CCPG1: variants seen among roughly 807,000 people sequenced by gnomAD.
The protein encoded by CCPG1 is cell cycle progression 1.
In CCPG1, 46 loss-of-function variants were observed where a neutral mutation model predicts 81.3. That is an observed-to-expected ratio of 0.57 (90% CI 0.45 to 0.72). The LOEUF is 0.72. CCPG1 is among the 30% of genes least tolerant of loss of function. CCPG1 has a pLI of 0.00. For missense variants in CCPG1, 902 were observed against 937.6 expected, an observed-to-expected ratio of 0.96 and a Z score of 0.50; for synonymous variants, 330 against 305.2, an observed-to-expected ratio of 1.08 and a Z score of -0.85.
chr15:55,381,647 C>T lies in CCPG1; in HGVS notation c.176-3271G>A, dbSNP rs531355693. 2.8e-4 allele frequency among the ~76,000 whole-genome samples: 42 copies of T among 152,246 alleles called. 1 individual carries two copies. Among genetic ancestry groups the T allele is most frequent in the African/African-American group, 1.0e-3 (42 of 41,552 alleles). On this transcript the variant is annotated intron_variant, in intron 3 of 8. Coordinates refer to ENST00000442196, the MANE Select transcript of CCPG1 (RefSeq NM_001204450.2). The stretch of plus-strand genomic sequence containing the variant: ...CTTCTATTTCTGGCCTTGACACATC[C>T]ACTTTTTTCTCCTGAGGGGAAATGT...
intron 1 of CCPG1, among the ~76,000 whole-genome samples, chr15:55,405,926 A>C (rs994517102): frequency 1.3e-5 from 2 of 152,120 alleles, no homozygotes; most frequent in African/African-American, 4.8e-5. Context: ...GTACAGTGGC[A>C]TGATCTCGGC....
chr15:55,369,564 T>C (rs1595830702), intron 6 of CCPG1, among the ~76,000 whole-genome samples: 1 of 151,992 alleles, frequency 6.6e-6, no homozygotes, highest in African/African-American at 2.4e-5. Flanking sequence ...GTCTTTTAAG[T>C]AGTGACTTGG....
At chr15:55,377,615 A>G (rs761563529) in intron 4 of CCPG1, among the ~76,000 whole-genome samples, 13 of 152,258 alleles carry the variant, frequency 8.5e-5, no homozygotes, top group Non-Finnish European at 1.8e-4. Flanking sequence ...GTAATCGCCA[A>G]TGTGATAGTA....
rs2056477220 is a variant in CCPG1, at chr15:55,372,655, T to A, written c.455-611A>T. The A allele has an allele frequency of 1.3e-5, 3 of 238,336 alleles. No individual in the cohort carries two copies. In the South Asian group the frequency reaches 1.5e-4, roughly 12 times the overall value. 14.8% of individuals were successfully genotyped at this position (238,336 alleles called of 1,614,324 possible). On this transcript the variant is annotated intron_variant, in intron 5 of 8. Transcript: ENST00000442196. ...GACTGGGAGACAGAGCAAAACTCTG[T>A]CTCAAAAGAAACAAAATTTCATTGC... is the stretch of plus-strand genomic sequence containing the variant.
intron 7 of CCPG1, among the ~76,000 whole-genome samples, chr15:55,364,826 TTG>T (rs2056288392): frequency 6.6e-6 from 1 of 151,800 alleles, no homozygotes; most frequent in East Asian, 2.0e-4. Flanking sequence ...CAACCTGAGG[TTG>T]CACCACTGCA....
At chr15:55,388,631 G>C (rs144583667) in intron 2 of CCPG1, among the ~76,000 whole-genome samples, 67 of 152,238 alleles carry the variant, frequency 4.4e-4, no homozygotes, top group African/African-American at 1.5e-3. Flanking sequence ...AGGGTATGGT[G>C]GCATATGCCT....
At chr15:55,384,408 C>G (rs1254204375) in intron 3 of CCPG1, among the ~76,000 whole-genome samples, 1 of 152,126 alleles carries the variant, frequency 6.6e-6, no homozygotes, top group Non-Finnish European at 1.5e-5. Flanking sequence ...GCCTGTAATC[C>G]CAGCACTTTG....
At chr15:55,406,014 G>A (rs1456505757) in intron 1 of CCPG1, among the ~76,000 whole-genome samples, 4 of 152,064 alleles carry the variant, frequency 2.6e-5, no homozygotes, top group Admixed American at 1.3e-4. Flanking sequence ...ACAGGCATCC[G>A]CCACCATGCC....
At position 55,397,223 on chromosome 15, in the gene CCPG1, C is replaced by CA. The variant is rs200729740; in HGVS notation, c.-9-7791dup. The stretch of plus-strand genomic sequence containing the variant: ...AGCGAGACTCCGTCTCAAAAAAAAA[C>CA]AAACAAAAAAAAAAACCCACAAGAT... On this transcript the variant is annotated intron_variant, in intron 1 of 8. Coordinates refer to ENST00000442196, the MANE Select transcript of CCPG1 (RefSeq NM_001204450.2). Among the ~76,000 whole-genome samples the CA allele has an allele frequency of 5.5e-3, 657 of 119,228 alleles. 1 individual carries two copies. Among genetic ancestry groups the CA allele is most frequent in the Non-Finnish European group, 8.1e-3 (423 of 52,520 alleles). The allele number at this position is 119,228 out of a possible 152,430, so 78.2% of individuals were successfully genotyped here.
intron 1 of CCPG1, among the ~76,000 whole-genome samples, chr15:55,407,032 T>G (rs7162868): frequency 0.98 from 139,966 of 142,366 alleles, 68,886 homozygotes; most frequent in East Asian, 1. Flanking sequence ...GGCCGACACG[T>G]TGAGACCCCC....
chr15:55,380,361 T>A (rs920395517), intron 3 of CCPG1, among the ~76,000 whole-genome samples: 3 of 151,548 alleles, frequency 2.0e-5, no homozygotes, highest in Admixed American at 6.6e-5. Context: ...AGTGGCGCCG[T>A]CTCGGCTCAC....
chr15:55,382,595 C>T (rs570158316), intron 3 of CCPG1, among the ~76,000 whole-genome samples: 5 of 151,606 alleles, frequency 3.3e-5, no homozygotes, highest in South Asian at 4.2e-4. Context: ...CTGCAAGCTC[C>T]GCCTCCCAGG....
At chr15:55,364,197 T>G (rs557504561) in intron 7 of CCPG1, among the ~76,000 whole-genome samples, 4 of 150,620 alleles carry the variant, frequency 2.7e-5, no homozygotes, top group Non-Finnish European at 5.9e-5. Flanking sequence ...CTGATCCTCA[T>G]AAACCCACAG....
In CCPG1 at chr15:55,360,659, T is replaced by C. The variant is rs1452595281; in HGVS notation, c.1114A>G (p.Arg372Gly). Residue 372 changes from arginine to glycine, a missense_variant, in exon 8 of 9, where the codon AGG becomes GGG. Around this residue, in one of 3 missense-constraint regions of CCPG1, gnomAD observed 746 missense variants for 728.6 expected, o/e 1.02. Transcript: ENST00000442196. ...KQKKHSFLSQ[R>G]ETLLTEAKML... ...TTTGCTTCTGTCAACAGAGTCTCCC[T>C]TTGACTAAGAAAGCTGTGTTTTTTC... 6.2e-7 allele frequency: 1 copy of C among 1,614,144 alleles called. No individual in the cohort carries two copies. Among genetic ancestry groups the C allele is most frequent in the Non-Finnish European group, 8.5e-7 (1 of 1,180,022 alleles).
chr15:55,366,661 A>G (rs1278716718), intron 6 of CCPG1, among the ~76,000 whole-genome samples: 1 of 152,058 alleles, frequency 6.6e-6, no homozygotes. Context: ...AATCCCAGCT[A>G]CTCGGGAGGC....
chr15:55,380,904 A>G (rs1032677533), intron 3 of CCPG1, among the ~76,000 whole-genome samples: 29 of 150,718 alleles, frequency 1.9e-4, no homozygotes, highest in Non-Finnish European at 4.1e-4. Context: ...TTGGGAGGCC[A>G]AGGCGGACAG....
Position 55,360,400 on chromosome 15 carries a change from T to C in CCPG1, c.1373A>G (p.Gln458Arg). The C allele has an allele frequency of 1.2e-6, 2 of 1,613,900 alleles. No homozygotes were observed. The highest frequency in any genetic ancestry group is 1.7e-6 in the Non-Finnish European group (2 of 1,180,036). ...TCCATCTGTTCCTTGTTTTCCATTT[T>C]GATCTTTTGCCTCAACATACAATCT... ...WERLYVEAKD[Q>R]NGKQGTDGKK... Residue 458 changes from glutamine (Q) to arginine (R), a missense_variant, in exon 8 of 9, where the codon CAA becomes CGA. Around this residue, in one of 3 missense-constraint regions of CCPG1, gnomAD observed 746 missense variants for 728.6 expected, o/e 1.02. Transcript: ENST00000442196.
intron 3 of CCPG1, among the ~76,000 whole-genome samples, chr15:55,379,512 G>T (rs1160090184): frequency 6.6e-6 from 1 of 152,006 alleles, no homozygotes; most frequent in African/African-American, 2.4e-5. Context: ...GGACAAGAGA[G>T]TGTGACTATG....
chr15:55,378,100 T>C (rs752449929), intron 4 of CCPG1, among the ~76,000 whole-genome samples, 200 bp downstream of exon 4: 7 of 152,216 alleles, frequency 4.6e-5, no homozygotes, highest in Admixed American at 1.3e-4. Flanking sequence ...AAAAGAATTA[T>C]ATTAGAGGTG....
Sources: gnomAD v4.1 joint callset for allele counts (sites outside exome capture counted in the v4.1 genomes callset) on GRCh38, gnomAD v4.1.1 for gene constraint, gnomAD v4.1.1 regional missense constraint, MANE v1.5 for transcripts, NCBI Gene and HGNC (gene_info 2026-07-23, HGNC 2026-07-21) for gene names.